The following AQP9 variants were observed in gnomAD, a reference collection of about 807,000 sequenced individuals.
AQP9 encodes aquaporin-9.
AQP9 carries 19 observed loss-of-function variants against 23.8 expected under a neutral mutation model. The observed-to-expected ratio is 0.80, with a 90% CI of 0.56 to 1.17. The LOEUF (loss-of-function observed/expected upper bound fraction) is 1.17. Ranked by LOEUF, AQP9 falls within the 50% of genes most tolerant of loss-of-function variation. AQP9 has a pLI of 0.00. For missense variants in AQP9, 413 were observed against 362.0 expected (o/e 1.14, Z -1.14); for synonymous variants, 153 against 131.5 (o/e 1.16, Z -1.12).
At chr15:58,143,338 A>G (rs1314493478) in intron 1 of AQP9, among the ~76,000 whole-genome samples, 2 of 152,200 alleles carry the variant, frequency 1.3e-5, no homozygotes, top group Admixed American at 6.5e-5. Context: ...GACGAGGACA[A>G]GAGAGGGCAA....
At chr15:58,160,980 T>C (rs2140609490) in intron 1 of AQP9, among the ~76,000 whole-genome samples, 1 of 152,214 alleles carries the variant, frequency 6.6e-6, no homozygotes, top group East Asian at 1.9e-4. Context: ...AGAAGATCTG[T>C]GCTAAAGAAT....
In AQP9 at chr15:58,185,578, T is replaced by C. The variant is rs1453860145; in HGVS notation, c.*1443T>C. 1 of 152,244 alleles carries C rather than the reference T, an allele frequency of 6.6e-6. No individual in the cohort carries two copies. Among genetic ancestry groups the C allele is most frequent in the Non-Finnish European group, 1.5e-5 (1 of 68,048 alleles). 9.4% of individuals were successfully genotyped at this position (152,244 alleles called of 1,614,324 possible). A position where few individuals can be genotyped will look rare whatever the true frequency, so the allele number is the denominator to read the frequency against. On this transcript the variant is annotated 3_prime_UTR_variant, in exon 6 of 6. Transcript: ENST00000219919. ...TCTTGCTTCCTGCCAGCACCAAACA[T>C]TACATTCAGGGGATTTCCTCTGGCT...
intron 2 of AQP9, among the ~76,000 whole-genome samples, chr15:58,167,537 T>C (rs767589115): frequency 6.6e-6 from 1 of 152,108 alleles, no homozygotes; most frequent in African/African-American, 2.4e-5. Flanking sequence ...CTCCCTCTCC[T>C]TTACAACAGC....
rs961426820 is a variant in AQP9 at position 58,185,347 on chromosome 15, T to C, written c.*1212T>C. Reference sequence around the variant, plus strand: ...TCTTCCTTGCTAGCCAGAAGTGGAATTGGCAGCTTCTAGAATATGTACACC... The same window carrying C: ...TCTTCCTTGCTAGCCAGAAGTGGAACTGGCAGCTTCTAGAATATGTACACC... On this transcript the variant is annotated 3_prime_UTR_variant, in exon 6 of 6. Transcript: ENST00000219919. 3.3e-5 allele frequency: 5 copies of C among 152,666 alleles called. No individual in the cohort carries two copies. Among genetic ancestry groups the C allele is most frequent in the Admixed American group, 1.3e-4 (2 of 15,294 alleles). The allele number at this position is 152,666 out of a possible 1,614,324, so 9.5% of individuals were successfully genotyped here. A position where few individuals can be genotyped will look rare whatever the true frequency, so the allele number is the denominator to read the frequency against.
intron 1 of AQP9, among the ~76,000 whole-genome samples, chr15:58,161,271 T>C (rs1327416424): frequency 6.6e-6 from 1 of 152,154 alleles, no homozygotes; most frequent in Non-Finnish European, 1.5e-5. Flanking sequence ...TTGCTCTGGG[T>C]AATCGGGAAT....
intron 3 of AQP9, 89 bp downstream of exon 3, chr15:58,173,294 C>T (rs1898665682): frequency 9.0e-6 from 14 of 1,555,704 alleles, no homozygotes; most frequent in Admixed American, 1.8e-5. Flanking sequence ...CGAGAAAAAG[C>T]AAGGACGGGA....
intron 1 of AQP9, among the ~76,000 whole-genome samples, chr15:58,165,965 A>G (rs1321923307): frequency 6.6e-6 from 1 of 152,198 alleles, no homozygotes; most frequent in Non-Finnish European, 1.5e-5. Context: ...GGGGGTCCTG[A>G]TTGCCAAATC....
chr15:58,183,731 A>G (rs1388339923), intron 5 of AQP9, among the ~76,000 whole-genome samples: 1 of 152,214 alleles, frequency 6.6e-6, no homozygotes, highest in Non-Finnish European at 1.5e-5. Context: ...ATAAGACATA[A>G]TATCTCACAA....
chr15:58,175,542 C>T (rs987986177), intron 4 of AQP9, among the ~76,000 whole-genome samples: 11 of 152,328 alleles, frequency 7.2e-5, no homozygotes, highest in Admixed American at 4.6e-4. Flanking sequence ...GCTTCTAGCA[C>T]CCAAGCATAC....
intron 2 of AQP9, among the ~76,000 whole-genome samples, chr15:58,167,082 A>T (rs2140618345): frequency 6.6e-6 from 1 of 152,286 alleles, no homozygotes; most frequent in South Asian, 2.1e-4. Context: ...AGTCAACGGG[A>T]TTTTTTACTT....
chr15:58,156,405 A>G (rs1230157403), intron 1 of AQP9, among the ~76,000 whole-genome samples: 1 of 152,144 alleles, frequency 6.6e-6, no homozygotes, highest in Non-Finnish European at 1.5e-5. Flanking sequence ...CGTATTAACA[A>G]TCCCCCAATC....
At chr15:58,147,148 T>C (rs574939877) in intron 1 of AQP9, among the ~76,000 whole-genome samples, 1 of 152,286 alleles carries the variant, frequency 6.6e-6, no homozygotes, top group South Asian at 2.1e-4. Context: ...CTGCTTCTGA[T>C]TGTGAATTTT....
intron 2 of AQP9, among the ~76,000 whole-genome samples, chr15:58,167,526 T>C (rs1039351248): frequency 3.9e-5 from 6 of 152,138 alleles, no homozygotes; most frequent in African/African-American, 1.4e-4. Context: ...ACTGCCTTTA[T>C]CTCCCTCTCC....
intron 1 of AQP9, among the ~76,000 whole-genome samples, chr15:58,156,664 C>T (rs1479799309): frequency 1.3e-5 from 2 of 152,172 alleles, no homozygotes; most frequent in African/African-American, 2.4e-5. Flanking sequence ...TAACACCCTC[C>T]TCTTAATGAC....
At chr15:58,139,651 A>G (rs1897917577) in intron 1 of AQP9, among the ~76,000 whole-genome samples, 1 of 152,246 alleles carries the variant, frequency 6.6e-6, no homozygotes, top group Non-Finnish European at 1.5e-5. Context: ...GGGCAAATAC[A>G]TAATAATTTA....
chr15:58,151,853 G>A (rs1410043261), intron 1 of AQP9: 1 of 152,008 alleles, frequency 6.6e-6, no homozygotes, highest in Admixed American at 6.6e-5. Context: ...CCTAAAGCTA[G>A]GTGGCTATGG....
intron 1 of AQP9, among the ~76,000 whole-genome samples, chr15:58,159,121 G>C (rs1566984681): frequency 6.6e-6 from 1 of 152,170 alleles, no homozygotes; most frequent in Admixed American, 6.6e-5. Context: ...ATTTCAGCTT[G>C]TGATAATCAC....
At chr15:58,173,018 A>C in intron 2 of AQP9, 50 bp from the exon 3 acceptor site, 1 of 1,610,198 alleles carries the variant, frequency 6.2e-7, no homozygotes, top group African/African-American at 1.3e-5. Flanking sequence ...GGTTTTCTGT[A>C]TATTCTTCTT....
At chr15:58,163,693 A>G (rs906048304) in intron 1 of AQP9, among the ~76,000 whole-genome samples, 5 of 152,196 alleles carry the variant, frequency 3.3e-5, no homozygotes, top group Non-Finnish European at 5.9e-5. Context: ...GAGTCTAAGA[A>G]GGGAAAGGTA....
Sources: allele counts gnomAD v4.1 joint callset (sites outside exome capture counted in the v4.1 genomes callset), GRCh38; gene constraint gnomAD v4.1.1; transcripts MANE v1.5; gene names NCBI Gene and HGNC (gene_info 2026-07-23, HGNC 2026-07-21).